The following NEK10 variants were observed in gnomAD, a reference collection of about 807,000 sequenced individuals.
NEK10 encodes the protein NIMA related kinase 10, also known as serine/threonine-protein kinase Nek10.
In NEK10, 122 loss-of-function variants were observed where a neutral mutation model predicts 159.8. That is an observed-to-expected ratio of 0.76 (90% CI 0.66 to 0.89). The LOEUF (loss-of-function observed/expected upper bound fraction) is 0.89. Ranked by LOEUF, NEK10 falls within the 40% of genes least tolerant of loss-of-function variation. The probability of loss-of-function intolerance (pLI) is 0.00; values close to 1 mark genes in which losing one functional copy is unlikely to be tolerated. For missense variants in NEK10, 1,342 were observed against 1,323.1 expected (o/e 1.01, Z -0.22); for synonymous variants, 466 against 457.1 (o/e 1.02, Z -0.25).
At chr3:27,298,066 A>G (rs2043499328) in intron 13 of NEK10, among the ~76,000 whole-genome samples, 1 of 152,182 alleles carries the variant, frequency 6.6e-6, no homozygotes, top group African/African-American at 2.4e-5. Context: ...ATAGCCATCA[A>G]TGAGGGTGGA....
At chr3:27,303,225 A>G (rs1210440320) in intron 12 of NEK10, among the ~76,000 whole-genome samples, 1 of 152,212 alleles carries the variant, frequency 6.6e-6, no homozygotes, top group African/African-American at 2.4e-5. Context: ...GATACTTTAG[A>G]TGTGAAAGAC....
In NEK10 at chr3:27,211,323, C is replaced by T. The variant is rs569296967; in HGVS notation, c.2091-8766G>A. Among the ~76,000 whole-genome samples, 11 of 152,238 alleles carry T rather than the reference C, an allele frequency of 7.2e-5. No individual in the cohort carries two copies. The South Asian group carries it at 1.9e-3, about 26-fold the overall frequency. On this transcript the variant is annotated intron_variant, in intron 23 of 35. Coordinates refer to ENST00000691995, the MANE Select transcript of NEK10 (RefSeq NM_001394966.1). ...TATTATTACATAGAGAGATCTGTCA[C>T]ATTTCATAGGGACTGTGACAATAAG...
chr3:27,148,354 C>A (rs979405094), intron 30 of NEK10, among the ~76,000 whole-genome samples: 1 of 152,118 alleles, frequency 6.6e-6, no homozygotes, highest in Non-Finnish European at 1.5e-5. Context: ...AAAAACTACT[C>A]CCCAGACAGG....
intron 25 of NEK10, among the ~76,000 whole-genome samples, chr3:27,199,341 A>G (rs2149024567): frequency 6.6e-6 from 1 of 152,344 alleles, no homozygotes; most frequent in East Asian, 1.9e-4. Flanking sequence ...ACATGTAGCC[A>G]ACAAGCATGA....
At chr3:27,275,360 T>C (rs764217962) in intron 22 of NEK10, among the ~76,000 whole-genome samples, 8 of 152,214 alleles carry the variant, frequency 5.3e-5, no homozygotes, top group South Asian at 2.1e-4. Context: ...TGAGACCCAA[T>C]GGCAATACAA....
chr3:27,219,373 T>C (rs1951867643), intron 23 of NEK10, among the ~76,000 whole-genome samples: 2 of 152,200 alleles, frequency 1.3e-5, no homozygotes, highest in Admixed American at 6.5e-5. Flanking sequence ...ATCAGATGAA[T>C]TTAGGATGAA....
rs1292250548 is a variant in NEK10, at chr3:27,304,916, C to A, written c.859G>T (p.Val287Leu). Residue 287 changes from valine to leucine, a missense_variant, in exon 12 of 36, where the codon GTG (valine) becomes TTG (leucine). Physicochemically the swap from Val to Leu is conservative, Grantham distance 32. Transcript: ENST00000691995. The part of the protein sequence containing the change: ...LCAEPQVKEQ[V>L]KLYEGIPVLL... ...ACCGGTATCCCCTCATAGAGCTTCACCTGCTCTTTCACCTGGGGCTCTGCA... is the reference window on the plus strand; with the variant it reads ...ACCGGTATCCCCTCATAGAGCTTCAACTGCTCTTTCACCTGGGGCTCTGCA... The A allele has an allele frequency of 6.2e-7, 1 of 1,613,570 alleles. No homozygotes were observed. The highest frequency in any genetic ancestry group is 2.2e-5 in the East Asian group (1 of 44,870).
At chr3:27,251,594 C>A (rs1320508000) in intron 23 of NEK10, among the ~76,000 whole-genome samples, 2 of 152,172 alleles carry the variant, frequency 1.3e-5, no homozygotes, top group Admixed American at 6.5e-5. Flanking sequence ...CAAGAAGATA[C>A]CAGCGTCATG....
intron 30 of NEK10, among the ~76,000 whole-genome samples, chr3:27,151,428 C>G (rs1164277209): frequency 6.6e-6 from 1 of 152,156 alleles, no homozygotes; most frequent in Admixed American, 6.6e-5. Flanking sequence ...GTTCAGTTCA[C>G]AGGAGGCCAC....
chr3:27,124,992 T>C (rs769943809), intron 32 of NEK10, among the ~76,000 whole-genome samples: 1 of 152,128 alleles, frequency 6.6e-6, no homozygotes, highest in African/African-American at 2.4e-5. Flanking sequence ...TGAAAGAATG[T>C]GTAAGAGCCT....
intron 19 of NEK10, among the ~76,000 whole-genome samples, chr3:27,289,248 A>T (rs1317740597): frequency 2.6e-5 from 4 of 152,172 alleles, no homozygotes; most frequent in Non-Finnish European, 4.4e-5. Context: ...AAGAGAAATA[A>T]CCCACTGTAC....
intron 5 of NEK10, among the ~76,000 whole-genome samples, chr3:27,322,465 C>T (rs1452097628): frequency 6.6e-6 from 1 of 150,378 alleles, no homozygotes; most frequent in South Asian, 2.1e-4. Flanking sequence ...GAGGAGAGGC[C>T]CCCCCCAAAC....
At chr3:27,132,069 G>T in intron 31 of NEK10, 79 bp from the exon 32 acceptor site, 2 of 725,978 alleles carry the variant, frequency 2.8e-6, no homozygotes, top group Admixed American at 2.4e-5. Flanking sequence ...TTCGCTGAGG[G>T]CCCATGTAAC....
chr3:27,278,957 T>A, intron 22 of NEK10: 1 of 981,496 alleles, frequency 1.0e-6, no homozygotes, highest in Non-Finnish European at 1.2e-6. Context: ...AGGCTGCAAA[T>A]AAATGGAGAA....
intron 2 of NEK10, 108 bp from the exon 3 acceptor site, chr3:27,352,633 A>G: frequency 1.1e-6 from 1 of 871,388 alleles, no homozygotes; most frequent in Non-Finnish European, 1.9e-6. Flanking sequence ...TATCAACTGG[A>G]ATGAATACAC....
intron 30 of NEK10, among the ~76,000 whole-genome samples, chr3:27,153,032 A>G (rs1945038014): frequency 6.6e-6 from 1 of 152,140 alleles, no homozygotes; most frequent in Admixed American, 6.5e-5. Flanking sequence ...GACCTAAGAA[A>G]TGAGAATGGC....
At chr3:27,249,275 C>G (rs1955414114) in intron 23 of NEK10, among the ~76,000 whole-genome samples, 1 of 152,182 alleles carries the variant, frequency 6.6e-6, no homozygotes. Context: ...AAACCTCTTT[C>G]CTTTATAAGT....
intron 31 of NEK10, among the ~76,000 whole-genome samples, chr3:27,134,459 T>C (rs917871931): frequency 2.6e-5 from 4 of 152,208 alleles, no homozygotes; most frequent in African/African-American, 9.6e-5. Context: ...TTCTCTGCTA[T>C]GACAAACTTT....
rs534568582 is a variant in NEK10, at chr3:27,218,604, CA to C, written c.2091-16048del. On this transcript the variant is annotated intron_variant, in intron 23 of 35. Transcript: ENST00000691995. ...TGGGCAACGTATCAAGTCTCCATCT[CA>C]AAAAAAAAAAAAAAAAAAGACGGGA... Among the ~76,000 whole-genome samples the C allele has an allele frequency of 4.0e-3, 270 of 67,454 alleles. 1 individual carries two copies. The highest frequency in any genetic ancestry group is 0.011 in the African/African-American group (190 of 17,130). 44.3% of individuals were successfully genotyped at this position (67,454 alleles called of 152,430 possible). A position where few individuals can be genotyped will look rare whatever the true frequency, so the allele number is the denominator to read the frequency against.
Sources: gnomAD v4.1 joint callset for allele counts (sites outside exome capture counted in the v4.1 genomes callset) on GRCh38, gnomAD v4.1.1 for gene constraint, MANE v1.5 for transcripts, NCBI Gene and HGNC (gene_info 2026-07-23, HGNC 2026-07-21) for gene names.